SGO2: variants seen among roughly 807,000 people sequenced by gnomAD.
SGO2 encodes shugoshin-like 2.
SGO2 carries 68 observed loss-of-function variants against 99.5 expected under a neutral mutation model. That is an observed-to-expected ratio of 0.68 (90% CI 0.56 to 0.84). SGO2 has a LOEUF of 0.84. SGO2 is among the 40% of genes least tolerant of loss of function. The pLI, the probability that SGO2 is intolerant of heterozygous loss-of-function variation, is 0.00. For synonymous variants in SGO2, 457 were observed against 487.1 expected, an observed-to-expected ratio of 0.94 and a Z score of 0.81; for missense variants, 1,350 against 1,436.7, an observed-to-expected ratio of 0.94 and a Z score of 0.97.
intron 5 of SGO2, among the ~76,000 whole-genome samples, chr2:200,560,062 A>G (rs2032881481): frequency 6.6e-6 from 1 of 152,320 alleles, no homozygotes; most frequent in South Asian, 2.1e-4. Context: ...TAGTTTGTTA[A>G]TTATAGTCTT....
chr2:200,529,727 C>G (rs1428590585), intron 1 of SGO2, among the ~76,000 whole-genome samples: 1 of 152,120 alleles, frequency 6.6e-6, no homozygotes, highest in Non-Finnish European at 1.5e-5. Context: ...CGGGTTTCAC[C>G]ATGTTGGCTG....
At chr2:200,579,664 A>G (rs958059956) in intron 8 of SGO2, among the ~76,000 whole-genome samples, 3 of 152,182 alleles carry the variant, frequency 2.0e-5, no homozygotes, top group Admixed American at 6.5e-5. Context: ...TCTGTTGATG[A>G]GTTTTCCAGT....
At position 200,570,488 on chromosome 2, in the gene SGO2, G is replaced by GTGTGTGTA. The variant is rs909800531; in HGVS notation, c.704-555_704-554insATGTGTGT. On this transcript the variant is annotated intron_variant, in intron 6 of 8. Transcript: ENST00000357799. The surrounding 1 kb of genome is among the most constrained non-coding windows in gnomAD (Gnocchi z 4.4). ...TTTTCCTTTCTGAAAATGTGTGTGT[G>GTGTGTGTA]TGTGTGTGTGTGTGTGTGTGTGGGC... is the stretch of plus-strand genomic sequence containing the variant. Among the ~76,000 whole-genome samples, 10 of 150,234 alleles carry GTGTGTGTA rather than the reference G, an allele frequency of 6.7e-5. No individual in the cohort carries two copies. The highest frequency in any genetic ancestry group is 2.4e-4 in the African/African-American group (10 of 40,828).
chr2:200,577,408 T>C (rs544999787), intron 8 of SGO2, among the ~76,000 whole-genome samples: 8 of 152,350 alleles, frequency 5.3e-5, no homozygotes, highest in African/African-American at 1.9e-4. Context: ...AGTTAAACTT[T>C]ATTTTGAACT....
At chr2:200,579,886 G>A (rs577292140) in intron 8 of SGO2, among the ~76,000 whole-genome samples, 19 of 152,058 alleles carry the variant, frequency 1.2e-4, no homozygotes, top group Non-Finnish European at 1.9e-4. Context: ...TCACCATCTT[G>A]GTTCCTTTAA....
chr2:200,542,738 T>C, intron 5 of SGO2, 74 bp downstream of exon 5: 1 of 1,305,184 alleles, frequency 7.7e-7, no homozygotes, highest in South Asian at 1.3e-5. Flanking sequence ...TTGTGTGTAT[T>C]GTACAGTGTT....
intron 2 of SGO2, among the ~76,000 whole-genome samples, chr2:200,534,018 A>G (rs1274901935): frequency 6.6e-6 from 1 of 152,162 alleles, no homozygotes; most frequent in African/African-American, 2.4e-5. Flanking sequence ...GTCAGTTTCC[A>G]TTTGCTATGC....
intron 5 of SGO2, among the ~76,000 whole-genome samples, chr2:200,555,016 C>T (rs568309854): frequency 6.6e-6 from 1 of 152,258 alleles, no homozygotes; most frequent in South Asian, 2.1e-4. Context: ...TTCTCACACA[C>T]AACCTTTTTA....
chr2:200,557,551 A>G (rs1323961848), intron 5 of SGO2, among the ~76,000 whole-genome samples: 3 of 152,322 alleles, frequency 2.0e-5, no homozygotes, highest in Non-Finnish European at 4.4e-5. Flanking sequence ...TTCAAGGCAA[A>G]TCCTTAAAGT....
rs1425864320 is a variant in SGO2 at position 200,570,511 on chromosome 2, G to GTGTGTGT, written c.704-539_704-538insTGTGTGT. 6.0e-5 allele frequency among the ~76,000 whole-genome samples: 4 copies of GTGTGTGT among 66,550 alleles called. No individual in the cohort carries two copies. Among genetic ancestry groups the GTGTGTGT allele is most frequent in the South Asian group, 4.6e-4 (1 of 2,152 alleles). The allele number at this position is 66,550 out of a possible 152,430, so 43.7% of individuals were successfully genotyped here. ...GTGTGTGTGTGTGTGTGTGTGTGTG[G>GTGTGTGT]GCATATGTATATGTATATAATATAT... On this transcript the variant is annotated intron_variant, in intron 6 of 8. Coordinates refer to ENST00000357799, the MANE Select transcript of SGO2 (RefSeq NM_152524.6). This position sits in a 1 kb window ranked among gnomAD's most constrained non-coding sequence, Gnocchi z 4.4.
Position 200,573,963 on chromosome 2 carries a change from A to G in SGO2, c.3617A>G (p.Gln1206Arg). ...AAATTTAAAGTCAACCGGAGAACCC[A>G]AAAATCAGGAATAGGTAGGTTAATA... ...KMKFKVNRRTQKSGIGDRPLQ... is the reference protein window; with the variant it reads ...KMKFKVNRRTRKSGIGDRPLQ... The change falls in exon 7 of 9, where the codon CAA becomes CGA. Residue 1206 changes from glutamine to arginine, a missense_variant. By Grantham distance (43) the Gln-to-Arg change is conservative. Transcript: ENST00000357799. 6.3e-7 allele frequency: 1 copy of G among 1,584,094 alleles called. No homozygotes were observed. The highest frequency in any genetic ancestry group is 8.5e-7 in the Non-Finnish European group (1 of 1,170,614).
At chr2:200,538,410 G>A (rs2031800847) in intron 4 of SGO2, among the ~76,000 whole-genome samples, 1 of 152,060 alleles carries the variant, frequency 6.6e-6, no homozygotes, top group South Asian at 2.1e-4. Flanking sequence ...GCCTTCCCTA[G>A]CAACTCTGCA....
intron 8 of SGO2, chr2:200,576,146 T>C: frequency 2.9e-6 from 1 of 343,384 alleles, no homozygotes; most frequent in Non-Finnish European, 5.7e-6. Context: ...TTTAAAGCAA[T>C]AACCAGCAGA....
intron 5 of SGO2, among the ~76,000 whole-genome samples, chr2:200,548,795 A>C (rs1243179360): frequency 6.6e-6 from 1 of 152,206 alleles, no homozygotes; most frequent in Non-Finnish European, 1.5e-5. Context: ...AATAATTATT[A>C]GAGACGATTA....
At chr2:200,575,545 C>CT in intron 8 of SGO2, 84 bp downstream of exon 8, 1 of 963,194 alleles carries the variant, frequency 1.0e-6, no homozygotes, top group Non-Finnish European at 1.5e-6. Context: ...TTGAGCACTT[C>CT]TGATAATTCA....
chr2:200,534,921 A>T (rs571217082), intron 2 of SGO2, 75 bp from the exon 3 acceptor site: 18 of 985,038 alleles, frequency 1.8e-5, no homozygotes, highest in Middle Eastern at 3.3e-4. Flanking sequence ...CATTTTGTCT[A>T]TGTTTTACTA....
At chr2:200,556,666 G>A (rs1415211409) in intron 5 of SGO2, among the ~76,000 whole-genome samples, 1 of 152,216 alleles carries the variant, frequency 6.6e-6, no homozygotes, top group Non-Finnish European at 1.5e-5. Flanking sequence ...ATAGTGAAAA[G>A]ACAAAGCCTT....
At chr2:200,577,360 A>G (rs1431897677) in intron 8 of SGO2, among the ~76,000 whole-genome samples, 2 of 152,024 alleles carry the variant, frequency 1.3e-5, no homozygotes, top group African/African-American at 4.8e-5. Flanking sequence ...TCCTTTGCCC[A>G]TTTTTCAGTT....
At chr2:200,568,515 C>A (rs56678605) in intron 5 of SGO2, among the ~76,000 whole-genome samples, 1 of 152,088 alleles carries the variant, frequency 6.6e-6, no homozygotes, top group African/African-American at 2.4e-5. Context: ...TCGAATCTTC[C>A]TCATATATAT....
Sources: gnomAD v4.1 joint callset for allele counts (sites outside exome capture counted in the v4.1 genomes callset) on GRCh38, gnomAD v4.1.1 for gene constraint, Gnocchi (gnomAD v3.1) non-coding constraint, MANE v1.5 for transcripts, NCBI Gene and HGNC (gene_info 2026-07-23, HGNC 2026-07-21) for gene names.